The following CRB1 variants were observed in gnomAD, a reference collection of about 807,000 sequenced individuals.
CRB1 encodes crumbs cell polarity complex component 1.
In CRB1, 83 loss-of-function variants were observed where a neutral mutation model predicts 120.0. That is an observed-to-expected ratio of 0.69 (90% CI 0.58 to 0.83). CRB1 has a LOEUF of 0.83. Among genes scored for constraint, CRB1 ranks in the 40% least tolerant of loss-of-function variants. The probability of loss-of-function intolerance (pLI) is 0.00; values close to 1 mark genes in which losing one functional copy is unlikely to be tolerated. For synonymous variants in CRB1, 625 were observed against 612.5 expected (o/e 1.02, Z -0.30); for missense variants, 1,699 against 1,687.6 (o/e 1.01, Z -0.12).
intron 5 of CRB1, among the ~76,000 whole-genome samples, chr1:197,399,381 A>G (rs1662943601): frequency 6.6e-6 from 1 of 152,184 alleles, no homozygotes; most frequent in Non-Finnish European, 1.5e-5. Flanking sequence ...AAATAGTCAA[A>G]TAGGGTTGCA....
the CRB1 span, among the ~76,000 whole-genome samples, chr1:197,258,797 G>T: frequency 6.6e-6 from 1 of 151,982 alleles, no homozygotes; most frequent in East Asian, 1.9e-4. Context: ...TCTATAAAAT[G>T]GAAAAAATAG....
intron 2 of CRB1, among the ~76,000 whole-genome samples, chr1:197,343,967 C>T (rs921611237): frequency 3.9e-5 from 6 of 152,170 alleles, no homozygotes; most frequent in African/African-American, 1.4e-4. Flanking sequence ...GGAAAAACAT[C>T]GACCAGCCAC....
chr1:197,257,568 A>G, the CRB1 span, among the ~76,000 whole-genome samples: 64 of 152,220 alleles, frequency 4.2e-4, no homozygotes, highest in Non-Finnish European at 7.6e-4. Context: ...TTTTCTTGCA[A>G]TCTCCACCTT....
chr1:197,256,373 T>A, the CRB1 span, among the ~76,000 whole-genome samples: 1 of 152,090 alleles, frequency 6.6e-6, no homozygotes, highest in East Asian at 1.9e-4. Flanking sequence ...TATAAATAAC[T>A]CCTCTTACCC....
intron 5 of CRB1, among the ~76,000 whole-genome samples, chr1:197,407,843 A>C (rs2125445745): frequency 6.6e-6 from 1 of 152,352 alleles, no homozygotes; most frequent in Admixed American, 6.5e-5. Flanking sequence ...CAGACCTGTC[A>C]TGTCCATTCA....
intron 1 of CRB1, among the ~76,000 whole-genome samples, chr1:197,279,446 A>G (rs1486061385): frequency 2.6e-5 from 4 of 151,774 alleles, no homozygotes; most frequent in African/African-American, 9.7e-5. Flanking sequence ...ACTTTCTGTA[A>G]TTATAAACTC....
intron 11 of CRB1, among the ~76,000 whole-genome samples, chr1:197,460,661 C>T (rs1247426494): frequency 6.6e-6 from 1 of 152,118 alleles, no homozygotes; most frequent in Non-Finnish European, 1.5e-5. Context: ...TACTTGGGGT[C>T]ACACAGTTCA....
chr1:197,469,853 G>A (rs1666905925), intron 11 of CRB1, among the ~76,000 whole-genome samples: 1 of 151,956 alleles, frequency 6.6e-6, no homozygotes, highest in East Asian at 1.9e-4. Context: ...TAGATACGAG[G>A]GGCAGGAAAA....
chr1:197,452,816 T>TC (rs575649228), intron 11 of CRB1, among the ~76,000 whole-genome samples: 154 of 151,998 alleles, frequency 1.0e-3, no homozygotes, highest in African/African-American at 3.5e-3. Flanking sequence ...GTATGAAGTT[T>TC]CCCCAAAAAA....
intron 5 of CRB1, chr1:197,414,056 A>C: frequency 2.5e-6 from 1 of 396,644 alleles, no homozygotes; most frequent in South Asian, 1.9e-5. Flanking sequence ...TGTTTTTAAG[A>C]TGTTTATTTA....
chr1:197,329,629 A>T (rs187731385), intron 2 of CRB1, among the ~76,000 whole-genome samples: 1 of 152,328 alleles, frequency 6.6e-6, no homozygotes, highest in Admixed American at 6.5e-5. Context: ...ATCATTACCA[A>T]GTTACATGCT....
intron 1 of CRB1, among the ~76,000 whole-genome samples, chr1:197,321,408 T>G (rs946340341): frequency 6.6e-6 from 1 of 152,088 alleles, no homozygotes; most frequent in Non-Finnish European, 1.5e-5. Context: ...GTAACCTAGG[T>G]TTTCCCCAAA....
the CRB1 span, among the ~76,000 whole-genome samples, chr1:197,253,538 A>G: frequency 6.6e-6 from 1 of 152,122 alleles, no homozygotes; most frequent in Non-Finnish European, 1.5e-5. Context: ...CAAACCTGGT[A>G]TGTATTTTGT....
At chr1:197,398,160 T>G (rs1441063320) in intron 5 of CRB1, among the ~76,000 whole-genome samples, 1 of 152,190 alleles carries the variant, frequency 6.6e-6, no homozygotes, top group Admixed American at 6.5e-5. Flanking sequence ...ACTTTTAGCA[T>G]AATCAATAAC....
chr1:197,429,566 C>G lies in CRB1; in HGVS notation c.2794C>G (p.Pro932Ala). Residue 932 changes from proline to alanine, a missense_variant, in exon 8 of 12, where the codon CCG becomes GCG. Physicochemically the swap from Pro to Ala is conservative, Grantham distance 27. Transcript: ENST00000367400. ...GGAGGTTCAGTGGTGTGGATTCAGC[C>G]CGTGTCCTCACGGAGCCCAGTGCCA... ...CEEVQWCGFS[P>A]CPHGAQCQPV... The G allele has an allele frequency of 3.1e-6, 5 of 1,613,928 alleles. No homozygotes were observed. Among genetic ancestry groups the G allele is most frequent in the Non-Finnish European group, 3.4e-6 (4 of 1,179,924 alleles).
intron 4 of CRB1, among the ~76,000 whole-genome samples, chr1:197,353,814 T>TAAAAAAAAAAAAAA (rs57274486): frequency 6.7e-5 from 6 of 89,422 alleles, no homozygotes; most frequent in Non-Finnish European, 6.4e-5. Flanking sequence ...AATATATAAA[T>TAAAAAAAAAAAAAA]AAAAAAAAAA....
At chr1:197,422,078 G>A in intron 6 of CRB1, 122 bp downstream of exon 6, 1 of 882,144 alleles carries the variant, frequency 1.1e-6, no homozygotes, top group Non-Finnish European at 1.8e-6. Context: ...GACTTCTGCT[G>A]CTGGTTGCCC....
intron 5 of CRB1, among the ~76,000 whole-genome samples, chr1:197,389,711 A>G (rs1391022564): frequency 7.2e-6 from 1 of 138,298 alleles, no homozygotes; most frequent in South Asian, 2.4e-4. Flanking sequence ...TTTTACCACA[A>G]TAAAAAAATT....
At chr1:197,360,678 C>G (rs1660725501) in intron 5 of CRB1, among the ~76,000 whole-genome samples, 1 of 152,208 alleles carries the variant, frequency 6.6e-6, no homozygotes, top group African/African-American at 2.4e-5. Context: ...CTTTGTTTAA[C>G]TCACCTATGA....
Sources: gnomAD v4.1 joint callset for allele counts (sites outside exome capture counted in the v4.1 genomes callset) on GRCh38, gnomAD v4.1.1 for gene constraint, MANE v1.5 for transcripts, NCBI Gene and HGNC (gene_info 2026-07-23, HGNC 2026-07-21) for gene names.